Variants in WWTR1 observed in about 807,000 individuals in gnomAD.
The protein encoded by WWTR1 is WW domain containing transcription regulator 1.
In WWTR1, 13 loss-of-function variants were observed where a neutral mutation model predicts 40.1. That is an observed-to-expected ratio of 0.32 (90% confidence interval 0.21 to 0.52). The LOEUF (loss-of-function observed/expected upper bound fraction) is 0.52, where lower values mean the gene tolerates loss of function less well. Among genes scored for constraint, WWTR1 ranks in the 20% least tolerant of loss-of-function variants. The probability of loss-of-function intolerance (pLI) is 0.97; values close to 1 mark genes in which losing one functional copy is unlikely to be tolerated. For synonymous variants in WWTR1, 230 were observed against 210.1 expected (o/e 1.09, Z -0.82); for missense variants, 436 against 523.1 (o/e 0.83, Z 1.63).
chr3:149,534,871 A>G (rs9289794), intron 4 of WWTR1, among the ~76,000 whole-genome samples: 142,340 of 152,244 alleles, frequency 0.93, 66,859 homozygotes, highest in East Asian at 1. Flanking sequence ...AAAATAGCTG[A>G]AGAAGTAAGG....
At chr3:149,659,414 C>A (rs1160080781), upstream of WWTR1, 1 of 147,034 alleles carries the variant, frequency 6.8e-6, no homozygotes, top group Non-Finnish European at 1.5e-5. Flanking sequence ...CTCACTGCAA[C>A]CTCCGCCTCC....
chr3:149,603,977 A>T (rs1168610303), intron 2 of WWTR1, among the ~76,000 whole-genome samples: 6 of 152,118 alleles, frequency 3.9e-5, no homozygotes, highest in South Asian at 2.1e-4. Context: ...TATTCATGAT[A>T]CATACAGATA....
rs529755164 is a variant in WWTR1 at position 149,610,163 on chromosome 3, A to G, written c.432-37163T>C. The stretch of plus-strand genomic sequence containing the variant: ...CAAATGCAAACTGCCATTATATACT[A>G]TACATCTTCTAAAAATTGAAAATCA... On this transcript the variant is annotated intron_variant, in intron 2 of 6. Coordinates refer to ENST00000360632, the MANE Select transcript of WWTR1 (RefSeq NM_015472.6). Among the ~76,000 whole-genome samples, 160 of 152,342 alleles carry G rather than the reference A, an allele frequency of 1.1e-3. 1 individual carries two copies. The highest frequency in any genetic ancestry group is 1.6e-3 in the Non-Finnish European group (109 of 68,028).
intron 5 of WWTR1, among the ~76,000 whole-genome samples, chr3:149,711,741 C>T (rs1036365611): frequency 6.6e-6 from 1 of 152,194 alleles, no homozygotes; most frequent in African/African-American, 2.4e-5. Context: ...CTTCTCTTGG[C>T]TTCTGTGCAT....
In WWTR1 at chr3:149,692,196, A is replaced by G. The variant is rs79503872; in HGVS notation, c.-108+10928T>C. ...AGAAAGAAAAGGAAAAAGGAACAAA[A>G]AGAAAAAAGAACACTATAGGCCAAT... On this transcript the variant is annotated intron_variant, in intron 1 of 7. Transcript: ENST00000465804. 5.1e-3 allele frequency among the ~76,000 whole-genome samples: 774 copies of G among 152,250 alleles called. 55 individuals are homozygous for G. In the East Asian group the frequency reaches 0.13, roughly 25 times the overall value.
intron 4 of WWTR1, among the ~76,000 whole-genome samples, chr3:149,539,120 A>G (rs1232848438): frequency 6.6e-6 from 1 of 152,208 alleles, no homozygotes; most frequent in Non-Finnish European, 1.5e-5. Flanking sequence ...TGTGGTATAC[A>G]TCAAATCATG....
intron 5 of WWTR1, among the ~76,000 whole-genome samples, chr3:149,709,636 G>C (rs1322439639): frequency 6.6e-6 from 1 of 152,114 alleles, no homozygotes; most frequent in Non-Finnish European, 1.5e-5. Flanking sequence ...CAGGAGCGGT[G>C]GCTCACGACC....
At chr3:149,690,712 G>C (rs1290020237) in intron 1 of WWTR1, among the ~76,000 whole-genome samples, 1 of 152,142 alleles carries the variant, frequency 6.6e-6, no homozygotes, top group East Asian at 1.9e-4. Flanking sequence ...AGATCATCCA[G>C]ACAGCAAATC....
intron 2 of WWTR1, among the ~76,000 whole-genome samples, chr3:149,643,685 A>C (rs1202394933): frequency 6.6e-6 from 1 of 152,128 alleles, no homozygotes; most frequent in Non-Finnish European, 1.5e-5. Flanking sequence ...TCTCAAAACT[A>C]AATTATCTGA....
intron 1 of WWTR1, among the ~76,000 whole-genome samples, chr3:149,700,745 A>G (rs1170544176): frequency 6.6e-6 from 1 of 152,220 alleles, no homozygotes; most frequent in Non-Finnish European, 1.5e-5. Flanking sequence ...GCTGGGGGCC[A>G]TGGGTGGAAG....
chr3:149,719,315 C>T lies in WWTR1; in HGVS notation n.460-1749G>A, dbSNP rs368945982. Among the ~76,000 whole-genome samples, 36 of 152,084 alleles carry T rather than the reference C, an allele frequency of 2.4e-4. No homozygotes were observed. The East Asian group carries it at 4.8e-3, about 20-fold the overall frequency. On this transcript the variant is annotated intron_variant and non_coding_transcript_variant, in intron 4 of 6. Coordinates refer to the WWTR1 transcript ENST00000474080. ...CCTCCTGAGTAGCTGGGACTACAGG[C>T]GTCAGCCACCAAGCCCAGCTAATTT...
intron 2 of WWTR1, among the ~76,000 whole-genome samples, chr3:149,585,423 C>G (rs1164894312): frequency 6.6e-6 from 1 of 152,214 alleles, no homozygotes; most frequent in Non-Finnish European, 1.5e-5. Flanking sequence ...GCATGAGCCA[C>G]TGCACCTGGC....
chr3:149,696,051 T>G (rs1576644446), intron 1 of WWTR1, among the ~76,000 whole-genome samples: 2 of 133,568 alleles, frequency 1.5e-5, no homozygotes, highest in African/African-American at 5.8e-5. Flanking sequence ...AGGTGGAGCT[T>G]GCAGTGAGCC....
At chr3:149,713,565 G>C (rs557621853) in intron 5 of WWTR1, among the ~76,000 whole-genome samples, 9 of 152,182 alleles carry the variant, frequency 5.9e-5, no homozygotes, top group African/African-American at 1.9e-4. Context: ...ATTTTTAGTA[G>C]AGACAGAGTT....
At chr3:149,588,911 T>C (rs1174713048) in intron 2 of WWTR1, among the ~76,000 whole-genome samples, 1 of 152,156 alleles carries the variant, frequency 6.6e-6, no homozygotes, top group Non-Finnish European at 1.5e-5. Context: ...CATGAGTGCT[T>C]AGCCTAAAGG....
intron 2 of WWTR1, among the ~76,000 whole-genome samples, chr3:149,668,216 C>A (rs1315610790): frequency 1.3e-5 from 2 of 152,178 alleles, no homozygotes; most frequent in African/African-American, 4.8e-5. Flanking sequence ...CAACTTGTAT[C>A]TTTCAGCAAG....
intron 6 of WWTR1, among the ~76,000 whole-genome samples, chr3:149,524,723 C>T (rs1169621975): frequency 1.3e-5 from 2 of 152,320 alleles, no homozygotes; most frequent in Non-Finnish European, 2.9e-5. Flanking sequence ...AGACACCTGG[C>T]TATGAGTTTG....
chr3:149,564,935 C>T (rs1176392246), intron 3 of WWTR1, among the ~76,000 whole-genome samples: 1 of 152,078 alleles, frequency 6.6e-6, no homozygotes, highest in Non-Finnish European at 1.5e-5. Flanking sequence ...GTAATCCCAG[C>T]ACTTACTTTG....
At chr3:149,701,030 C>T (rs566508272) in intron 1 of WWTR1, among the ~76,000 whole-genome samples, 95 of 152,274 alleles carry the variant, frequency 6.2e-4, no homozygotes, top group African/African-American at 2.2e-3. Context: ...GCAATCGGTG[C>T]GGTAGGCCCA....
Sources: gnomAD v4.1 joint callset for allele counts (sites outside exome capture counted in the v4.1 genomes callset) on GRCh38, gnomAD v4.1.1 for gene constraint, MANE v1.5 for transcripts, NCBI Gene and HGNC (gene_info 2026-07-23, HGNC 2026-07-21) for gene names.